Variants in QPCTL observed in about 807,000 individuals in gnomAD.
QPCTL encodes glutaminyl-peptide cyclotransferase-like protein.
Under a neutral mutation model 34.6 loss-of-function variants are expected in QPCTL, and 31 were observed. The ratio of observed to expected loss-of-function variants is 0.90; its 90% CI spans 0.67 to 1.21. The LOEUF (loss-of-function observed/expected upper bound fraction) is 1.21, where lower values mean the gene tolerates loss of function less well. Among genes scored for constraint, QPCTL ranks in the 50% most tolerant of loss-of-function variants. QPCTL has a pLI of 0.00. For missense variants in QPCTL, 474 were observed against 507.8 expected (o/e 0.93, Z 0.64); for synonymous variants, 223 against 226.9 (o/e 0.98, Z 0.15).
chr19:45,699,012 C>A, intron 5 of QPCTL, 112 bp downstream of exon 5: 2 of 838,628 alleles, frequency 2.4e-6, no homozygotes, highest in Non-Finnish European at 3.7e-6. Flanking sequence ...CCAGTCTGGG[C>A]CACATAGGGA....
At chr19:45,702,709 A>G (rs1600346538) in intron 6 of QPCTL, among the ~76,000 whole-genome samples, 195 bp from the exon 7 acceptor site, 1 of 151,588 alleles carries the variant, frequency 6.6e-6, no homozygotes, top group East Asian at 1.9e-4. Context: ...GGCTGCAGTG[A>G]GCCGAGATCA....
rs1459103025 is a variant in QPCTL at position 45,702,980 on chromosome 19, C to G, written c.1080C>G (p.Leu360=). The G allele has an allele frequency of 2.0e-5, 32 of 1,613,908 alleles. No individual in the cohort carries two copies. In the Admixed American group the frequency reaches 5.3e-4, roughly 27 times the overall value. ...CCCCTGCGGACACCGAGGTCAATCT[C>G]CACCCACCCACGGTACACAACTTGT... ...WHTPADTEVN[L]HPPTVHNLCR... The change falls in exon 7 of 7, where the codon CTC becomes CTG. Residue 360 remains leucine (L), a synonymous_variant. Coordinates refer to ENST00000012049, the MANE Select transcript of QPCTL (RefSeq NM_017659.4).
rs777689439 is a variant in QPCTL, at chr19:45,693,484, C to T, written c.279C>T (p.Leu93=). Residue 93 remains leucine (L), a synonymous_variant, in exon 2 of 7, where the codon CTC becomes CTT. Coordinates refer to ENST00000012049, the MANE Select transcript of QPCTL (RefSeq NM_017659.4). ...RVVGQLDPQR[L]WSTYLRPLLV... ...TGGGACAACTGGATCCACAGCGTCT[C>T]TGGAGCACTTATCTGCGCCCCCTGC... 2 of 1,613,398 alleles carry T rather than the reference C, an allele frequency of 1.2e-6. No homozygotes were observed. The highest frequency in any genetic ancestry group is 1.3e-5 in the African/African-American group (1 of 74,906).
chr19:45,703,168 C>T lies in QPCTL; in HGVS notation c.*119C>T, dbSNP rs1967842684. Reference sequence around the variant, plus strand: ...GTTTGTCCTTTTCATACCTTTGTCTCCTAATTGTGCTACAATTGGAAGACC... The same window carrying T: ...GTTTGTCCTTTTCATACCTTTGTCTTCTAATTGTGCTACAATTGGAAGACC... On this transcript the variant is annotated 3_prime_UTR_variant, in exon 7 of 7. Transcript: ENST00000012049. The T allele has an allele frequency of 2.4e-6, 3 of 1,255,674 alleles. No homozygotes were observed. The highest frequency in any genetic ancestry group is 3.3e-6 in the Non-Finnish European group (3 of 900,412). 77.8% of individuals were successfully genotyped at this position (1,255,674 alleles called of 1,614,324 possible). A position where few individuals can be genotyped will look rare whatever the true frequency, so the allele number is the denominator to read the frequency against.
chr19:45,703,093 T>C lies in QPCTL; in HGVS notation c.*44T>C, dbSNP rs746970193. ...GTGGAGAGGACTGTGAGAGAGAAGG[T>C]CCCAGCGGGGGCCAGTGAAGCTCAG... On this transcript the variant is annotated 3_prime_UTR_variant, in exon 7 of 7. Coordinates refer to ENST00000012049, the MANE Select transcript of QPCTL (RefSeq NM_017659.4). 6.2e-7 allele frequency: 1 copy of C among 1,611,542 alleles called. No homozygotes were observed. The highest frequency in any genetic ancestry group is 2.2e-5 in the East Asian group (1 of 44,856).
At chr19:45,696,694 G>A (rs750974207) in intron 3 of QPCTL, among the ~76,000 whole-genome samples, 1 of 151,352 alleles carries the variant, frequency 6.6e-6, no homozygotes, top group Non-Finnish European at 1.5e-5. Context: ...AGCCATGATC[G>A]TGCCACTGTA....
Position 45,695,812 on chromosome 19 carries a change from C to A in QPCTL, c.633+94C>A, listed in dbSNP as rs992043890. 3 of 1,370,256 alleles carry A rather than the reference C, an allele frequency of 2.2e-6. No homozygotes were observed. The East Asian group carries it at 7.5e-5, about 34-fold the overall frequency. 84.9% of individuals were successfully genotyped at this position (1,370,256 alleles called of 1,614,324 possible). A position where few individuals can be genotyped will look rare whatever the true frequency, so the allele number is the denominator to read the frequency against. On this transcript the variant is annotated intron_variant, in intron 3 of 6. Coordinates refer to ENST00000012049, the MANE Select transcript of QPCTL (RefSeq NM_017659.4). ...CCTGGACATTTGTCATCCCTCTCGT[C>A]TTCCCACTCTACTCCACGCACAGAG...
intron 5 of QPCTL, among the ~76,000 whole-genome samples, chr19:45,700,654 T>C (rs1967790951): frequency 1.3e-5 from 2 of 151,950 alleles, no homozygotes; most frequent in African/African-American, 4.8e-5. Context: ...AGCCTCAGTT[T>C]CCTATCTGTA....
At chr19:45,700,360 G>A (rs1388884261) in intron 5 of QPCTL, among the ~76,000 whole-genome samples, 3 of 151,116 alleles carry the variant, frequency 2.0e-5, no homozygotes, top group East Asian at 2.0e-4. Context: ...CAGAAGAATC[G>A]CTTGTACCTG....
At chr19:45,694,310 C>T (rs546773923) in intron 2 of QPCTL, among the ~76,000 whole-genome samples, 1 of 151,726 alleles carries the variant, frequency 6.6e-6, no homozygotes, top group Middle Eastern at 3.4e-3. Flanking sequence ...ACCCAGGAGG[C>T]GGAGACTGCA....
intron 3 of QPCTL, among the ~76,000 whole-genome samples, chr19:45,697,126 A>G (rs369181547): frequency 1.3e-5 from 2 of 150,698 alleles, no homozygotes; most frequent in South Asian, 2.1e-4. Context: ...TCTCAAAACA[A>G]ACAGAAAAGA....
chr19:45,694,519 G>A (rs1967651063), intron 2 of QPCTL, among the ~76,000 whole-genome samples: 1 of 151,660 alleles, frequency 6.6e-6, no homozygotes, highest in South Asian at 2.1e-4. Flanking sequence ...CGCCTGGGTT[G>A]GAGTGCAGTG....
chr19:45,698,738 G>C, intron 4 of QPCTL, 39 bp downstream of exon 4: 2 of 1,613,582 alleles, frequency 1.2e-6, no homozygotes, highest in Non-Finnish European at 1.7e-6. Flanking sequence ...GAGGGAGGGA[G>C]CAGGTTAAGC....
Position 45,703,086 on chromosome 19 carries a change from G to A in QPCTL, c.*37G>A. 6.2e-7 allele frequency: 1 copy of A among 1,613,160 alleles called. No individual in the cohort carries two copies. The highest frequency in any genetic ancestry group is 8.5e-7 in the Non-Finnish European group (1 of 1,179,166). On this transcript the variant is annotated 3_prime_UTR_variant, in exon 7 of 7. Coordinates refer to ENST00000012049, the MANE Select transcript of QPCTL (RefSeq NM_017659.4). ...AATGACTGTGGAGAGGACTGTGAGA[G>A]AGAAGGTCCCAGCGGGGGCCAGTGA...
intron 3 of QPCTL, among the ~76,000 whole-genome samples, chr19:45,696,966 C>T (rs1419816606): frequency 1.3e-5 from 2 of 151,762 alleles, no homozygotes; most frequent in African/African-American, 4.8e-5. Flanking sequence ...ACTAAAAATA[C>T]AAAAATTAGC....
At chr19:45,701,712 G>A (rs1156729069) in intron 5 of QPCTL, 86 bp from the exon 6 acceptor site, 13 of 1,006,262 alleles carry the variant, frequency 1.3e-5, no homozygotes, top group South Asian at 3.1e-5. Flanking sequence ...TTTGTCTCTG[G>A]GTGCTCTGCC....
rs756315906 is a variant in QPCTL at position 45,701,808 on chromosome 19, G to C, written c.897G>C (p.Leu299=). The C allele has an allele frequency of 6.2e-7, 1 of 1,613,502 alleles. No individual in the cohort carries two copies. Among genetic ancestry groups the C allele is most frequent in the East Asian group, 2.2e-5 (1 of 44,866 alleles). ...FHRLRSIEKR[L]HRLNLLQSHP... ...CGCCCCCACTTCCAGAGAAGCGTCT[G>C]CACCGTTTGAACCTGCTGCAGTCTC... Residue 299 remains leucine, a synonymous_variant, in exon 6 of 7, where the codon CTG becomes CTC. Transcript: ENST00000012049.
rs1225132355 is a variant in QPCTL, at chr19:45,693,573, C to T, written c.351+17C>T. ...GTCAGAAAGGTAAAGGGACCCACCT[C>T]CAGTCCCTGACCCCCTAGCCCTCCA... On this transcript the variant is annotated intron_variant, in intron 2 of 6. Transcript: ENST00000012049. 1.2e-6 allele frequency: 2 copies of T among 1,600,032 alleles called. No homozygotes were observed. Among genetic ancestry groups the T allele is most frequent in the Non-Finnish European group, 1.7e-6 (2 of 1,172,060 alleles).
intron 5 of QPCTL, 28 bp from the exon 6 acceptor site, chr19:45,701,770 C>G (rs1333030837): frequency 6.4e-7 from 1 of 1,564,336 alleles, no homozygotes; most frequent in Non-Finnish European, 8.8e-7. Context: ...AGGACTAACC[C>G]TTCCTCTCTA....
Sources: allele counts gnomAD v4.1 joint callset (sites outside exome capture counted in the v4.1 genomes callset), GRCh38; gene constraint gnomAD v4.1.1; transcripts MANE v1.5; gene names NCBI Gene and HGNC (gene_info 2026-07-23, HGNC 2026-07-21).